Variants in TRIM4 observed in about 807,000 individuals in gnomAD.
TRIM4 encodes tripartite motif containing 4.
In TRIM4, 29 loss-of-function variants were observed where a neutral mutation model predicts 33.7. That is an observed-to-expected ratio of 0.86 (90% CI 0.64 to 1.17). The LOEUF (loss-of-function observed/expected upper bound fraction) is 1.17. Among genes scored for constraint, TRIM4 ranks in the 50% most tolerant of loss-of-function variants. The pLI, the probability that TRIM4 is intolerant of heterozygous loss-of-function variation, is 0.00. For synonymous variants in TRIM4, 224 were observed against 233.0 expected (o/e 0.96, Z 0.35); for missense variants, 554 against 593.7 (o/e 0.93, Z 0.69).
Position 99,891,160 on chromosome 7 carries a change from A to G in TRIM4, c.*1003T>C, listed in dbSNP as rs1415174209. 1 of 152,226 alleles carries G rather than the reference A, an allele frequency of 6.6e-6. No individual in the cohort carries two copies. The highest frequency in any genetic ancestry group is 1.5e-5 in the Non-Finnish European group (1 of 68,044). The allele number at this position is 152,226 out of a possible 1,614,324, so 9.4% of individuals were successfully genotyped here. A position where few individuals can be genotyped will look rare whatever the true frequency, so the allele number is the denominator to read the frequency against. ...AGTATAAAAAAGTAACAAAATCAAA[A>G]CCTGAAACAAAGATCAACATCCAAT... On this transcript the variant is annotated 3_prime_UTR_variant, in exon 6 of 6. Coordinates refer to ENST00000349062, the MANE Select transcript of TRIM4 (RefSeq NM_033091.3).
At chr7:99,917,685 T>C in intron 1 of TRIM4, 1 of 509,150 alleles carries the variant, frequency 2.0e-6, no homozygotes, top group South Asian at 8.3e-5. Flanking sequence ...CACCACTGCA[T>C]TCCAGCCTGG....
At chr7:99,914,746 C>T (rs776613877) in intron 1 of TRIM4, among the ~76,000 whole-genome samples, 61 of 152,214 alleles carry the variant, frequency 4.0e-4, no homozygotes, top group Non-Finnish European at 8.4e-4. Flanking sequence ...GTTTCAGCTG[C>T]AATGTCACCT....
At chr7:99,908,393 A>C in intron 3 of TRIM4, 189 bp downstream of exon 3, 1 of 567,504 alleles carries the variant, frequency 1.8e-6, no homozygotes. Flanking sequence ...TGAGCTCAGC[A>C]TACCTACATT....
intron 5 of TRIM4, among the ~76,000 whole-genome samples, chr7:99,893,199 G>C (rs1275374928): frequency 6.6e-6 from 1 of 152,134 alleles, no homozygotes; most frequent in Admixed American, 6.5e-5. Flanking sequence ...CCCAGAAGGC[G>C]GAGGTTGTAG....
Position 99,892,284 on chromosome 7 carries a change from C to T in TRIM4, c.1304G>A (p.Ser435Asn). 6.2e-7 allele frequency: 1 copy of T among 1,614,214 alleles called. No homozygotes were observed. Among genetic ancestry groups the T allele is most frequent in the Non-Finnish European group, 8.5e-7 (1 of 1,180,040 alleles). The change falls in exon 6 of 6, where the codon AGC (serine) becomes AAC (asparagine). Residue 435 changes from serine (S) to asparagine (N), a missense_variant. By Grantham distance (46) the Ser-to-Asn change is conservative (BLOSUM62 1). This residue lies in a region of TRIM4 where 290 missense variants were observed against 335.8 expected (regional missense o/e 0.86). Transcript: ENST00000349062. The part of the protein sequence containing the change: ...DRGTGNVSFY[S>N]AVDGVHLHTF... ...GTGCAGGTGCACTCCGTCCACAGCGCTGTAGAAGGAGACATTCCCAGTCCC... is the reference window on the plus strand; with the variant it reads ...GTGCAGGTGCACTCCGTCCACAGCGTTGTAGAAGGAGACATTCCCAGTCCC...
chr7:99,896,251 GTCCA>G (rs1326511204), intron 5 of TRIM4, among the ~76,000 whole-genome samples: 3 of 152,066 alleles, frequency 2.0e-5, no homozygotes, highest in Non-Finnish European at 4.4e-5. Flanking sequence ...TGACCCTATG[GTCCA>G]AGTAGAATGT....
chr7:99,905,332 C>T (rs930521010), intron 3 of TRIM4, among the ~76,000 whole-genome samples: 1 of 152,186 alleles, frequency 6.6e-6, no homozygotes, highest in Admixed American at 6.5e-5. Context: ...GCTGAACACA[C>T]ATGTATGTCC....
Position 99,915,715 on chromosome 7 carries a change from G to C in TRIM4, c.393+3294C>G, listed in dbSNP as rs1819541903. ...AGGATGGAGAGATGGGCGGATATCA[G>C]GGAATTCCGCCCAGTGACCTGGCTC... is the stretch of plus-strand genomic sequence containing the variant. On this transcript the variant is annotated intron_variant, in intron 1 of 5. Coordinates refer to ENST00000349062, the MANE Select transcript of TRIM4 (RefSeq NM_033091.3). Among the ~76,000 whole-genome samples the C allele has an allele frequency of 1.3e-5, 2 of 152,210 alleles. 1 individual carries two copies. Among genetic ancestry groups the C allele is most frequent in the South Asian group, 4.1e-4 (2 of 4,834 alleles).
At position 99,902,175 on chromosome 7, in the gene TRIM4, C is replaced by T. The variant is rs372185941; in HGVS notation, c.841+1043G>A. 3.7e-5 allele frequency: 28 copies of T among 764,814 alleles called. No homozygotes were observed. In the African/African-American group the frequency reaches 3.7e-4, roughly 10 times the overall value. 47.4% of individuals were successfully genotyped at this position (764,814 alleles called of 1,614,324 possible). ...TGTTTTTGTGTTTTTATTTTAGTTG[C>T]TGCAGACAAGAAAACAACTCGTTTA... is the stretch of plus-strand genomic sequence containing the variant. On this transcript the variant is annotated intron_variant, in intron 5 of 5. Transcript: ENST00000349062.
Position 99,890,987 on chromosome 7 carries a change from A to G in TRIM4, c.*1176T>C, listed in dbSNP as rs533438018. ...TAACTTTAATTTTTATACTTTTTGCATCTTACAAACTTTCTACAATAAGTA... is the reference window on the plus strand; with the variant it reads ...TAACTTTAATTTTTATACTTTTTGCGTCTTACAAACTTTCTACAATAAGTA... On this transcript the variant is annotated 3_prime_UTR_variant, in exon 6 of 6. Coordinates refer to ENST00000349062, the MANE Select transcript of TRIM4 (RefSeq NM_033091.3). 6.6e-6 allele frequency: 1 copy of G among 152,336 alleles called. No homozygotes were observed. Among genetic ancestry groups the G allele is most frequent in the South Asian group, 2.1e-4 (1 of 4,832 alleles). 9.4% of individuals were successfully genotyped at this position (152,336 alleles called of 1,614,324 possible). A position where few individuals can be genotyped will look rare whatever the true frequency, so the allele number is the denominator to read the frequency against.
chr7:99,890,441 T>C lies in TRIM4; in HGVS notation c.*1722A>G, dbSNP rs1818868901. 1 of 152,188 alleles carries C rather than the reference T, an allele frequency of 6.6e-6. No homozygotes were observed. The highest frequency in any genetic ancestry group is 1.9e-4 in the East Asian group (1 of 5,208). The allele number at this position is 152,188 out of a possible 1,614,324, so 9.4% of individuals were successfully genotyped here. ...ATGTATATATTCATTGCAGCACTAT[T>C]CACAATAGCAAAGACATGGAATCAA... is the stretch of plus-strand genomic sequence containing the variant. On this transcript the variant is annotated 3_prime_UTR_variant, in exon 6 of 6. Transcript: ENST00000349062.
chr7:99,902,295 G>T (rs1300650951), intron 5 of TRIM4: 2 of 664,366 alleles, frequency 3.0e-6, no homozygotes, highest in Non-Finnish European at 5.5e-6. Context: ...CGCCCAGTCT[G>T]GAGTGCAGTG....
Position 99,890,616 on chromosome 7 carries a change from T to C in TRIM4, c.*1547A>G, listed in dbSNP as rs1184496940. ...CCATTACCCTAAGCAAACCAACACA[T>C]GAACAGAAAACCAAACATCACATGT... On this transcript the variant is annotated 3_prime_UTR_variant, in exon 6 of 6. Coordinates refer to ENST00000349062, the MANE Select transcript of TRIM4 (RefSeq NM_033091.3). The C allele has an allele frequency of 6.6e-6, 1 of 151,962 alleles. No homozygotes were observed. The highest frequency in any genetic ancestry group is 1.5e-5 in the Non-Finnish European group (1 of 67,998). 9.4% of individuals were successfully genotyped at this position (151,962 alleles called of 1,614,324 possible).
rs1448002844 is a variant in TRIM4, at chr7:99,906,423, C to T, written c.720+2159G>A. 7.2e-5 allele frequency among the ~76,000 whole-genome samples: 11 copies of T among 151,966 alleles called. No individual in the cohort carries two copies. In the East Asian group the frequency reaches 2.1e-3, roughly 29 times the overall value. ...GCCCAGGCTAGTGCAAACTCCTGAG[C>T]TCAAGAGATCCTCCCATCTCAGTTT... On this transcript the variant is annotated intron_variant, in intron 3 of 5. Coordinates refer to ENST00000349062, the MANE Select transcript of TRIM4 (RefSeq NM_033091.3).
intron 3 of TRIM4, among the ~76,000 whole-genome samples, chr7:99,906,762 C>T (rs1819316155): frequency 6.6e-6 from 1 of 152,144 alleles, no homozygotes; most frequent in African/African-American, 2.4e-5. Flanking sequence ...AGGAAAATTA[C>T]TTGAGCCCAG....
At chr7:99,899,819 G>T (rs1819115396) in intron 5 of TRIM4, among the ~76,000 whole-genome samples, 1 of 152,138 alleles carries the variant, frequency 6.6e-6, no homozygotes, top group Non-Finnish European at 1.5e-5. Flanking sequence ...TTGAGATGGG[G>T]TCTCGCTGTT....
In TRIM4 at chr7:99,903,601, G is replaced by A; in HGVS notation, c.721-3C>T. The A allele has an allele frequency of 6.2e-7, 1 of 1,614,184 alleles. No homozygotes were observed. Among genetic ancestry groups the A allele is most frequent in the Non-Finnish European group, 8.5e-7 (1 of 1,180,028 alleles). On this transcript the variant is annotated splice_polypyrimidine_tract_variant and splice_region_variant and intron_variant, in intron 3 of 5. Transcript: ENST00000349062. ...CTGGTCAACACTTCTTTTGGATTCT[G>A]TGAAAAGAAGGAAGACATAAGCAAA...
intron 1 of TRIM4, chr7:99,917,956 G>A (rs576923805): frequency 1.2e-4 from 62 of 524,690 alleles, no homozygotes; most frequent in Non-Finnish European, 1.4e-4. Context: ...TATGGCTGAA[G>A]CAGAGTAAGG....
At chr7:99,892,874 C>A in intron 5 of TRIM4, 128 bp from the exon 6 acceptor site, 1 of 814,060 alleles carries the variant, frequency 1.2e-6, no homozygotes, top group South Asian at 1.8e-5. Flanking sequence ...CACTGCTGCC[C>A]AACTGATCCT....
Sources: gnomAD v4.1 joint callset for allele counts (sites outside exome capture counted in the v4.1 genomes callset) on GRCh38, gnomAD v4.1.1 for gene constraint, gnomAD v4.1.1 regional missense constraint, MANE v1.5 for transcripts, NCBI Gene and HGNC (gene_info 2026-07-23, HGNC 2026-07-21) for gene names.